Variants in ANAPC13 observed in about 807,000 individuals in gnomAD.
The protein encoded by ANAPC13 is anaphase-promoting complex subunit 13.
ANAPC13 carries 9 observed loss-of-function variants against 9.6 expected under a neutral mutation model. The observed-to-expected ratio is 0.94, with a 90% CI of 0.57 to 1.64. The LOEUF (loss-of-function observed/expected upper bound fraction) is 1.64. ANAPC13 is among the 40% of genes most tolerant of loss of function. The pLI is 0.00. For missense variants in ANAPC13, 75 were observed against 85.3 expected (o/e 0.88, Z 0.48); for synonymous variants, 30 against 29.7 (o/e 1.01, Z -0.03).
At chr3:134,484,096 A>T (rs942517148) in intron 1 of ANAPC13, among the ~76,000 whole-genome samples, 1 of 152,234 alleles carries the variant, frequency 6.6e-6, no homozygotes, top group Non-Finnish European at 1.5e-5. Flanking sequence ...AAAATGGCTC[A>T]CAGGGCCGGG....
At chr3:134,485,986 G>A (rs1935134290), upstream of ANAPC13, 2 of 856,438 alleles carry the variant, frequency 2.3e-6, no homozygotes, top group Non-Finnish European at 1.3e-6. Context: ...GCTTGCTCCT[G>A]CCACGCCCCC....
At chr3:134,479,693 A>G (rs931509965) in intron 2 of ANAPC13, among the ~76,000 whole-genome samples, 13 of 152,158 alleles carry the variant, frequency 8.5e-5, no homozygotes, top group Middle Eastern at 3.2e-3. Context: ...GGCAGGAAAC[A>G]CTGAAAATGT....
chr3:134,478,402 T>C lies in ANAPC13; in HGVS notation c.*188A>G. 3 of 732,636 alleles carry C rather than the reference T, an allele frequency of 4.1e-6. No individual in the cohort carries two copies. Among genetic ancestry groups the C allele is most frequent in the Non-Finnish European group, 6.6e-6 (3 of 452,020 alleles). The allele number at this position is 732,636 out of a possible 1,614,324, so 45.4% of individuals were successfully genotyped here. On this transcript the variant is annotated 3_prime_UTR_variant, in exon 3 of 3. Transcript: ENST00000354910. ...AGAGTTTTAGGTTTAAAGAGCGAAA[T>C]ATTCACCATTACTGAGAAATCTCAG...
intron 2 of ANAPC13, 24 bp from the exon 3 acceptor site, chr3:134,478,739 A>C: frequency 6.2e-7 from 1 of 1,613,170 alleles, no homozygotes; most frequent in South Asian, 1.1e-5. Context: ...ATAGAAATTC[A>C]GAACAGTAAT....
chr3:134,478,728 A>C lies in ANAPC13; in HGVS notation c.100-13T>G, dbSNP rs750736411. Reference sequence around the variant, plus strand: ...CAGGAAGCTCATTCTGAAAAGGTACAATAGAAATTCAGAACAGTAATATAT... The same window carrying C: ...CAGGAAGCTCATTCTGAAAAGGTACCATAGAAATTCAGAACAGTAATATAT... On this transcript the variant is annotated splice_polypyrimidine_tract_variant and intron_variant, in intron 2 of 2. Coordinates refer to ENST00000354910, the MANE Select transcript of ANAPC13 (RefSeq NM_015391.4). 6.2e-7 allele frequency: 1 copy of C among 1,613,492 alleles called. No homozygotes were observed. The highest frequency in any genetic ancestry group is 1.7e-5 in the Admixed American group (1 of 59,748).
intron 2 of ANAPC13, 84 bp from the exon 3 acceptor site, chr3:134,478,799 G>A: frequency 5.4e-6 from 8 of 1,481,124 alleles, no homozygotes; most frequent in South Asian, 1.2e-5. Context: ...TAAAGCTTGT[G>A]AGTTCCTAGG....
intron 2 of ANAPC13, among the ~76,000 whole-genome samples, chr3:134,482,535 GT>G (rs139412628): frequency 0.016 from 2,471 of 152,260 alleles, 21 homozygotes; most frequent in Middle Eastern, 0.027. Context: ...GGTTTCTCTG[GT>G]TTTCGTGTGG....
Position 134,477,767 on chromosome 3 carries a change from T to C in ANAPC13, c.*823A>G, listed in dbSNP as rs1417099602. 1.3e-5 allele frequency: 2 copies of C among 152,220 alleles called. No homozygotes were observed. The highest frequency in any genetic ancestry group is 4.8e-5 in the African/African-American group (2 of 41,460). 9.4% of individuals were successfully genotyped at this position (152,220 alleles called of 1,614,324 possible). A position where few individuals can be genotyped will look rare whatever the true frequency, so the allele number is the denominator to read the frequency against. Reference sequence around the variant, plus strand: ...TCAGAGTTTCAACAAGGGATACAGATACAAGCAGCTTCTTACAGAGTTTAC... The same window carrying C: ...TCAGAGTTTCAACAAGGGATACAGACACAAGCAGCTTCTTACAGAGTTTAC... On this transcript the variant is annotated 3_prime_UTR_variant, in exon 3 of 3. Coordinates refer to ENST00000354910, the MANE Select transcript of ANAPC13 (RefSeq NM_015391.4).
intron 2 of ANAPC13, among the ~76,000 whole-genome samples, chr3:134,479,802 A>C (rs573719084): frequency 2.5e-4 from 38 of 152,348 alleles, no homozygotes; most frequent in African/African-American, 8.7e-4. Flanking sequence ...TTAAAATGGT[A>C]AGTCATGGGC....
In ANAPC13 at chr3:134,478,525, C is replaced by A; in HGVS notation, c.*65G>T. The A allele has an allele frequency of 6.4e-7, 1 of 1,554,722 alleles. No individual in the cohort carries two copies. Among genetic ancestry groups the A allele is most frequent in the Non-Finnish European group, 8.7e-7 (1 of 1,149,432 alleles). On this transcript the variant is annotated 3_prime_UTR_variant, in exon 3 of 3. Transcript: ENST00000354910. ...TTACTCAAAGGTTTGAATTTGGAGA[C>A]TGAAACAAACCATGCTTTATCTGTG...
intron 1 of ANAPC13, among the ~76,000 whole-genome samples, chr3:134,483,848 G>C (rs763986613): frequency 1.3e-5 from 2 of 152,172 alleles, no homozygotes; most frequent in Non-Finnish European, 2.9e-5. Flanking sequence ...GTGGTGGAGC[G>C]GGGTGGAACC....
intron 2 of ANAPC13, among the ~76,000 whole-genome samples, chr3:134,479,537 T>C (rs989689606): frequency 2.0e-5 from 3 of 151,916 alleles, no homozygotes; most frequent in Non-Finnish European, 4.4e-5. Context: ...TTAGTAGAGA[T>C]GGGGTTTCTC....
upstream of ANAPC13, chr3:134,485,991 G>GGCCCCCCCCCCC: frequency 1.1e-6 from 1 of 938,170 alleles, no homozygotes; most frequent in Non-Finnish European, 1.3e-6. Flanking sequence ...CTCCTGCCAC[G>GGCCCCCCCCCCC]CCCCCCCCCC....
At position 134,484,287 on chromosome 3, in the gene ANAPC13, G is replaced by A. The variant is rs558174288; in HGVS notation, c.-27-1356C>T. On this transcript the variant is annotated intron_variant, in intron 1 of 2. Transcript: ENST00000354910. Reference sequence around the variant, plus strand: ...CCCAGCTACTCGGGAGGCTGAGGCAGGAGAATGGCGTGAACCTGGGAGGCG... The same window carrying A: ...CCCAGCTACTCGGGAGGCTGAGGCAAGAGAATGGCGTGAACCTGGGAGGCG... 1.4e-4 allele frequency among the ~76,000 whole-genome samples: 21 copies of A among 152,318 alleles called. 1 individual carries two copies. The South Asian group carries it at 3.5e-3, about 26-fold the overall frequency.
At chr3:134,482,741 C>A in intron 2 of ANAPC13, 65 bp downstream of exon 2, 1 of 1,248,348 alleles carries the variant, frequency 8.0e-7, no homozygotes, top group African/African-American at 1.5e-5. Flanking sequence ...CATTGATATC[C>A]CTCCTCCACT....
At chr3:134,482,614 T>C (rs1355212746) in intron 2 of ANAPC13, 192 bp downstream of exon 2, 7 of 599,636 alleles carry the variant, frequency 1.2e-5, no homozygotes, top group African/African-American at 1.9e-5. Flanking sequence ...CCTGGCCATG[T>C]TAGCTCCCTG....
chr3:134,485,989 A>ACGCC, upstream of ANAPC13: 1 of 822,114 alleles, frequency 1.2e-6, no homozygotes, highest in African/African-American at 5.0e-5. Flanking sequence ...TGCTCCTGCC[A>ACGCC]CGCCCCCCCC....
At chr3:134,482,378 G>A (rs1934753746) in intron 2 of ANAPC13, among the ~76,000 whole-genome samples, 1 of 152,184 alleles carries the variant, frequency 6.6e-6, no homozygotes, top group African/African-American at 2.4e-5. Context: ...ATTTTCCAGG[G>A]AACCTAAGAT....
At chr3:134,485,991 G>GGCCCC, upstream of ANAPC13, 97 of 938,008 alleles carry the variant, frequency 1.0e-4, no homozygotes, top group African/African-American at 1.2e-4. Context: ...CTCCTGCCAC[G>GGCCCC]CCCCCCCCCC....
Sources: allele counts gnomAD v4.1 joint callset (sites outside exome capture counted in the v4.1 genomes callset), GRCh38; gene constraint gnomAD v4.1.1; transcripts MANE v1.5; gene names NCBI Gene and HGNC (gene_info 2026-07-23, HGNC 2026-07-21).